ADAMTSL1: variants seen among roughly 807,000 people sequenced by gnomAD.
The protein encoded by ADAMTSL1 is ADAMTS-like protein 1.
Under a neutral mutation model 201.8 loss-of-function variants are expected in ADAMTSL1, and 126 were observed. The observed-to-expected ratio is 0.62, with a 90% CI of 0.54 to 0.72. ADAMTSL1 has a LOEUF of 0.72. Ranked by LOEUF, ADAMTSL1 falls within the 30% of genes least tolerant of loss-of-function variation. The pLI, the probability that ADAMTSL1 is intolerant of heterozygous loss-of-function variation, is 0.00. For synonymous variants in ADAMTSL1, 1,121 were observed against 903.4 expected, an observed-to-expected ratio of 1.24 and a Z score of -4.32; for missense variants, 2,679 against 2,277.8, an observed-to-expected ratio of 1.18 and a Z score of -3.59.
intron 18 of ADAMTSL1, 147 bp downstream of exon 18, chr9:18,776,043 C>A: frequency 9.0e-7 from 1 of 1,112,314 alleles, no homozygotes; most frequent in Non-Finnish European, 1.2e-6. Context: ...CAGGAGAGCT[C>A]AGCTGGAGAC....
At chr9:18,691,304 G>GTA (rs1831201009) in intron 13 of ADAMTSL1, among the ~76,000 whole-genome samples, 1 of 152,176 alleles carries the variant, frequency 6.6e-6, no homozygotes. Flanking sequence ...AGAATACAAT[G>GTA]TATACATTGA....
intron 14 of ADAMTSL1, among the ~76,000 whole-genome samples, chr9:18,712,286 A>G (rs532317334): frequency 1.3e-3 from 196 of 152,280 alleles, no homozygotes; most frequent in African/African-American, 4.4e-3. Context: ...GGCTTCAGAC[A>G]ATCAAATTAC....
intron 1 of ADAMTSL1, among the ~76,000 whole-genome samples, chr9:18,136,774 C>G (rs1467829279): frequency 6.6e-6 from 1 of 152,062 alleles, no homozygotes; most frequent in Non-Finnish European, 1.5e-5. Flanking sequence ...GCCTTGTGTA[C>G]TGTGGCAAGG....
chr9:18,505,722 G>A (rs1471586122), intron 2 of ADAMTSL1, among the ~76,000 whole-genome samples: 2 of 152,200 alleles, frequency 1.3e-5, no homozygotes, highest in Non-Finnish European at 2.9e-5. Context: ...ACTATGAAAA[G>A]TGTTATGTAT....
intron 2 of ADAMTSL1, among the ~76,000 whole-genome samples, chr9:18,301,479 T>G (rs566822021): frequency 6.6e-6 from 1 of 152,182 alleles, no homozygotes; most frequent in Admixed American, 6.5e-5. Context: ...TTTTCCCACT[T>G]TTACATGCCT....
intron 2 of ADAMTSL1, among the ~76,000 whole-genome samples, chr9:18,292,381 C>G (rs1833307797): frequency 6.6e-6 from 1 of 152,142 alleles, no homozygotes; most frequent in Admixed American, 6.5e-5. Flanking sequence ...TAACAAGAAA[C>G]TATCGTGGTA....
intron 26 of ADAMTSL1, among the ~76,000 whole-genome samples, chr9:18,895,162 A>G (rs1441317216): frequency 6.6e-6 from 1 of 152,196 alleles, no homozygotes; most frequent in Non-Finnish European, 1.5e-5. Flanking sequence ...AGAGTGGAGG[A>G]AATAAGTGCT....
At chr9:18,388,902 G>T (rs1428534253) in intron 2 of ADAMTSL1, among the ~76,000 whole-genome samples, 1 of 151,766 alleles carries the variant, frequency 6.6e-6, no homozygotes, top group Non-Finnish European at 1.5e-5. Flanking sequence ...GATTACAGGT[G>T]CCTGCCACCT....
chr9:18,080,394 G>A (rs1403192906), intron 1 of ADAMTSL1, among the ~76,000 whole-genome samples: 1 of 152,172 alleles, frequency 6.6e-6, no homozygotes, highest in Non-Finnish European at 1.5e-5. Context: ...ATGCCTCTGA[G>A]CAAAATCTTA....
At position 18,895,818 on chromosome 9, in the gene ADAMTSL1, T is replaced by C. The variant is rs192288046; in HGVS notation, c.4851+3222T>C. ...TTTTCAAATGCCCAATTTTCAGCAA[T>C]AAAATCACAAGCCATACAAAGAAAT... On this transcript the variant is annotated intron_variant, in intron 26 of 28. Coordinates refer to ENST00000380548, the MANE Select transcript of ADAMTSL1 (RefSeq NM_001040272.6). 1.1e-3 allele frequency among the ~76,000 whole-genome samples: 163 copies of C among 152,240 alleles called. 1 individual carries two copies. Among genetic ancestry groups the C allele is most frequent in the African/African-American group, 3.7e-3 (154 of 41,552 alleles).
intron 23 of ADAMTSL1, among the ~76,000 whole-genome samples, chr9:18,837,940 C>G (rs1161537084): frequency 6.6e-6 from 1 of 152,180 alleles, no homozygotes; most frequent in African/African-American, 2.4e-5. Flanking sequence ...CCTACTGTAT[C>G]TCTGTGTCCT....
intron 3 of ADAMTSL1, among the ~76,000 whole-genome samples, chr9:18,573,739 A>G (rs1822500433): frequency 6.6e-6 from 1 of 152,178 alleles, no homozygotes; most frequent in African/African-American, 2.4e-5. Flanking sequence ...CCAATAGACA[A>G]CTTTCAAAAA....
intron 7 of ADAMTSL1, among the ~76,000 whole-genome samples, chr9:18,649,027 A>G (rs1007004259): frequency 6.6e-6 from 1 of 152,178 alleles, no homozygotes; most frequent in Non-Finnish European, 1.5e-5. Flanking sequence ...AGGTACACCA[A>G]TCAGACGCAG....
At chr9:18,838,496 C>T (rs766073071) in intron 23 of ADAMTSL1, among the ~76,000 whole-genome samples, 6 of 151,344 alleles carry the variant, frequency 4.0e-5, no homozygotes, top group Non-Finnish European at 8.8e-5. Flanking sequence ...ATTAGATAGC[C>T]TCAGGTGGCT....
At chr9:17,994,527 C>T (rs556982585) in intron 1 of ADAMTSL1, among the ~76,000 whole-genome samples, 6 of 152,220 alleles carry the variant, frequency 3.9e-5, no homozygotes, top group African/African-American at 1.2e-4. Context: ...ATATTCAGTT[C>T]CACTTTTGTG....
intron 23 of ADAMTSL1, among the ~76,000 whole-genome samples, chr9:18,868,008 AT>A (rs888683427): frequency 6.6e-6 from 1 of 151,776 alleles, no homozygotes; most frequent in African/African-American, 2.4e-5. Context: ...TGACTACTTG[AT>A]TTTTTTTCTA....
chr9:18,309,594 A>G (rs1834036950), intron 2 of ADAMTSL1, among the ~76,000 whole-genome samples: 1 of 152,142 alleles, frequency 6.6e-6, no homozygotes, highest in Admixed American at 6.5e-5. Context: ...AAATTGCTAC[A>G]AAGAGAATAA....
At chr9:18,537,639 G>A (rs1819852499) in intron 3 of ADAMTSL1, among the ~76,000 whole-genome samples, 1 of 152,054 alleles carries the variant, frequency 6.6e-6, no homozygotes, top group Non-Finnish European at 1.5e-5. Context: ...GGGGTGGAGG[G>A]GTGAGGCAGA....
At chr9:18,805,667 C>T (rs1321444171) in intron 20 of ADAMTSL1, among the ~76,000 whole-genome samples, 2 of 152,156 alleles carry the variant, frequency 1.3e-5, no homozygotes, top group African/African-American at 2.4e-5. Flanking sequence ...TGTAGACAGC[C>T]CTTTCTCCTG....
Sources: gnomAD v4.1 joint callset for allele counts (sites outside exome capture counted in the v4.1 genomes callset) on GRCh38, gnomAD v4.1.1 for gene constraint, MANE v1.5 for transcripts, NCBI Gene and HGNC (gene_info 2026-07-23, HGNC 2026-07-21) for gene names.